The following DNAH9 variants were observed in gnomAD, a reference collection of about 807,000 sequenced individuals.
The protein encoded by DNAH9 is dynein axonemal heavy chain 9.
DNAH9 carries 345 observed loss-of-function variants against 471.6 expected under a neutral mutation model. The observed-to-expected ratio is 0.73, with a 90% CI of 0.67 to 0.80. DNAH9 has a LOEUF of 0.80. Ranked by LOEUF, DNAH9 falls within the 30% of genes least tolerant of loss-of-function variation. The pLI, the probability that DNAH9 is intolerant of heterozygous loss-of-function variation, is 0.00. For synonymous variants in DNAH9, 2,093 were observed against 2,123.6 expected (o/e 0.99, Z 0.40); for missense variants, 5,407 against 5,609.2 (o/e 0.96, Z 1.15).
intron 7 of DNAH9, among the ~76,000 whole-genome samples, chr17:11,631,640 CAAAA>C (rs112063494): frequency 8.7e-6 from 1 of 114,814 alleles, no homozygotes. Context: ...GACTCTGTCT[CAAAA>C]AAAAAAAAAA....
At chr17:11,846,819 G>A (rs1274311446) in intron 49 of DNAH9, among the ~76,000 whole-genome samples, 1 of 140,056 alleles carries the variant, frequency 7.1e-6, no homozygotes, top group Non-Finnish European at 1.5e-5. Flanking sequence ...TGTTATTGGT[G>A]TATAAGAATG....
At position 11,805,574 on chromosome 17, in the gene DNAH9, GTCTC is replaced by G. The variant is rs200425623; in HGVS notation, c.8421-2152_8421-2149del. 2.1e-3 allele frequency among the ~76,000 whole-genome samples: 192 copies of G among 92,308 alleles called. 2 individuals are homozygous for G. The highest frequency in any genetic ancestry group is 0.029 in the Middle Eastern group (2 of 68). 60.6% of individuals were successfully genotyped at this position (92,308 alleles called of 152,430 possible). A position where few individuals can be genotyped will look rare whatever the true frequency, so the allele number is the denominator to read the frequency against. ...TTTTTTTTTTTTTTTTTGAGATGGA[GTCTC>G]TCTCTATCATCCAGACTGGAGTGCA... On this transcript the variant is annotated intron_variant, in intron 43 of 68. Transcript: ENST00000262442.
chr17:11,954,307 C>G (rs760472606), intron 67 of DNAH9, among the ~76,000 whole-genome samples: 41 of 152,138 alleles, frequency 2.7e-4, no homozygotes, highest in Middle Eastern at 3.4e-3. Context: ...CTGAAAACCA[C>G]AAAACCTATA....
chr17:11,927,824 A>G (rs1452375011), intron 62 of DNAH9, among the ~76,000 whole-genome samples: 1 of 152,136 alleles, frequency 6.6e-6, no homozygotes, highest in East Asian at 1.9e-4. Flanking sequence ...GGATCTCTGA[A>G]TCCACCCCAG....
intron 50 of DNAH9, among the ~76,000 whole-genome samples, chr17:11,863,453 G>A (rs1971931262): frequency 6.6e-6 from 1 of 152,182 alleles, no homozygotes. Context: ...TTGCATCCAT[G>A]TTCATCAAGG....
chr17:11,945,486 C>T (rs1330663130), intron 67 of DNAH9, among the ~76,000 whole-genome samples: 3 of 149,774 alleles, frequency 2.0e-5, no homozygotes, highest in South Asian at 2.1e-4. Flanking sequence ...TGCAGTGAGC[C>T]GACACTGTGA....
At chr17:11,791,615 G>A (rs978994069) in intron 41 of DNAH9, among the ~76,000 whole-genome samples, 2 of 152,122 alleles carry the variant, frequency 1.3e-5, no homozygotes, top group African/African-American at 4.8e-5. Context: ...GGAGGCTGAG[G>A]CACGAGAATT....
intron 57 of DNAH9, among the ~76,000 whole-genome samples, chr17:11,887,584 A>C (rs1470310116): frequency 6.6e-6 from 1 of 152,220 alleles, no homozygotes; most frequent in Non-Finnish European, 1.5e-5. Context: ...TCACCAAAAG[A>C]CCACAATTGA....
intron 2 of DNAH9, among the ~76,000 whole-genome samples, chr17:11,609,219 A>T (rs901038094): frequency 6.6e-6 from 1 of 152,230 alleles, no homozygotes; most frequent in East Asian, 1.9e-4. Context: ...CGTGCAATGC[A>T]TTATAAAATA....
Position 11,942,357 on chromosome 17 carries a change from C to T in DNAH9, c.12715C>T (p.Pro4239Ser). ...LERVTDEFNI[P>S]ELMAKVEERT... Reference sequence around the variant, plus strand: ...GCGGGTGACAGACGAGTTTAACATCCCAGAACTGATGGCCAAAGTGGAGGA... The same window carrying T: ...GCGGGTGACAGACGAGTTTAACATCTCAGAACTGATGGCCAAAGTGGAGGA... Residue 4239 changes from proline (P) to serine (S), a missense_variant, in exon 67 of 69, where the codon CCA becomes TCA. By Grantham distance (74) the Pro-to-Ser change is moderately conservative. Coordinates refer to ENST00000262442, the MANE Select transcript of DNAH9 (RefSeq NM_001372.4). 6.2e-7 allele frequency: 1 copy of T among 1,614,152 alleles called. No individual in the cohort carries two copies. Among genetic ancestry groups the T allele is most frequent in the Non-Finnish European group, 8.5e-7 (1 of 1,180,030 alleles).
chr17:11,813,723 T>C (rs553443784), intron 45 of DNAH9, among the ~76,000 whole-genome samples: 2 of 152,342 alleles, frequency 1.3e-5, no homozygotes, highest in South Asian at 4.1e-4. Flanking sequence ...CATTTCTTGT[T>C]TTCCTGACAC....
rs377395546 is a variant in DNAH9 at position 11,962,202 on chromosome 17, G to C, written c.13179G>C (p.Arg4393=). ...GAGAAGAGTTTAGGAGTCCTCCTCG[G>C]GAAGGGGCCTACATCCATGGCCTCT... ...KNREEFRSPP[R]EGAYIHGLFM... The change falls in exon 68 of 69, where the codon CGG becomes CGC. Residue 4393 remains arginine (R), a synonymous_variant. Transcript: ENST00000262442. This position sits in a 1 kb window ranked among gnomAD's most constrained non-coding sequence, Gnocchi z 4.1. 1 of 1,613,932 alleles carries C rather than the reference G, an allele frequency of 6.2e-7. No individual in the cohort carries two copies. The highest frequency in any genetic ancestry group is 8.5e-7 in the Non-Finnish European group (1 of 1,179,980).
intron 22 of DNAH9, among the ~76,000 whole-genome samples, chr17:11,697,322 G>A (rs1209865653): frequency 6.6e-6 from 1 of 152,112 alleles, no homozygotes; most frequent in African/African-American, 2.4e-5. Flanking sequence ...TAGAATTCAT[G>A]AGTCACAGTG....
rs916469398 is a variant in DNAH9, at chr17:11,962,207, G to A, written c.13184G>A (p.Gly4395Glu). Residue 4395 changes from glycine to glutamate, a missense_variant, in exon 68 of 69, where the codon GGG (glycine) becomes GAG (glutamate). Physicochemically the swap from Gly to Glu is moderately conservative, Grantham distance 98. Transcript: ENST00000262442. The surrounding 1 kb of genome is among the most constrained non-coding windows in gnomAD (Gnocchi z 4.1). Reference sequence around the variant, plus strand: ...GAGTTTAGGAGTCCTCCTCGGGAAGGGGCCTACATCCATGGCCTCTTCATG... The same window carrying A: ...GAGTTTAGGAGTCCTCCTCGGGAAGAGGCCTACATCCATGGCCTCTTCATG... ...REEFRSPPRE[G>E]AYIHGLFMEG... is the part of the protein sequence containing the mutation. 1.2e-6 allele frequency: 2 copies of A among 1,613,702 alleles called. No homozygotes were observed. Among genetic ancestry groups the A allele is most frequent in the Non-Finnish European group, 1.7e-6 (2 of 1,179,942 alleles).
Position 11,623,441 on chromosome 17 carries a change from C to T in DNAH9, c.1350+3660C>T. On this transcript the variant is annotated intron_variant, in intron 6 of 68. Coordinates refer to ENST00000262442, the MANE Select transcript of DNAH9 (RefSeq NM_001372.4). This position sits in a 1 kb window ranked among gnomAD's most constrained non-coding sequence, Gnocchi z 4.1. The stretch of plus-strand genomic sequence containing the variant: ...TGTTTTCATCTTCCCACGGCTACTC[C>T]TTGCCCCTTTTCCTCATATTTCCTC... 6.6e-6 allele frequency among the ~76,000 whole-genome samples: 1 copy of T among 152,024 alleles called. No individual in the cohort carries two copies. The highest frequency in any genetic ancestry group is 1.9e-4 in the East Asian group (1 of 5,180).
intron 35 of DNAH9, among the ~76,000 whole-genome samples, chr17:11,762,770 G>GTTTTGTTTTTTT (rs1967747335): frequency 1.2e-4 from 11 of 90,788 alleles, no homozygotes; most frequent in East Asian, 3.3e-4. Flanking sequence ...TTTTTTTTTT[G>GTTTTGTTTTTTT]TTTTTTTTTT....
At chr17:11,745,127 T>G (rs3744580) in intron 31 of DNAH9, 43 bp downstream of exon 31, 3 of 1,524,264 alleles carry the variant, frequency 2.0e-6, no homozygotes, top group Non-Finnish European at 1.8e-6. Flanking sequence ...ATCTCTTACT[T>G]ATTGTCCAGG....
rs139460601 is a variant in DNAH9 at position 11,646,268 on chromosome 17, C to A, written c.1971-804C>A. Among the ~76,000 whole-genome samples the A allele has an allele frequency of 1.4e-3, 210 of 152,140 alleles. 2 individuals are homozygous for A. Among genetic ancestry groups the A allele is most frequent in the Admixed American group, 3.4e-3 (52 of 15,264 alleles). ...TCCCAACCTCAGATGATCCACTTGC[C>A]TCGGCCTCCTGAAGTGCTGGGATTA... On this transcript the variant is annotated intron_variant, in intron 11 of 68. Coordinates refer to ENST00000262442, the MANE Select transcript of DNAH9 (RefSeq NM_001372.4).
chr17:11,750,545 A>G (rs919686661), intron 32 of DNAH9, among the ~76,000 whole-genome samples: 5 of 152,214 alleles, frequency 3.3e-5, no homozygotes, highest in Non-Finnish European at 4.4e-5. Flanking sequence ...AGAGAAAGCT[A>G]TAATGAATTC....
Sources: allele counts gnomAD v4.1 joint callset (sites outside exome capture counted in the v4.1 genomes callset), GRCh38; gene constraint gnomAD v4.1.1; non-coding constraint Gnocchi (gnomAD v3.1); transcripts MANE v1.5; gene names NCBI Gene and HGNC (gene_info 2026-07-23, HGNC 2026-07-21).